The following CBFB variants were observed in gnomAD, a reference collection of about 807,000 sequenced individuals.
CBFB encodes the protein CBF-beta.
In CBFB, 9 loss-of-function variants were observed where a neutral mutation model predicts 30.4. That is an observed-to-expected ratio of 0.30 (90% confidence interval 0.18 to 0.52). The LOEUF (loss-of-function observed/expected upper bound fraction) is 0.52, where lower values mean the gene tolerates loss of function less well. CBFB is among the 20% of genes least tolerant of loss of function. The pLI is 0.97. For missense variants in CBFB, 170 were observed against 244.0 expected (o/e 0.70, Z 2.02); for synonymous variants, 94 against 84.0 (o/e 1.12, Z -0.65).
rs17768165 is a variant in CBFB, at chr16:67,055,703, T to C, written c.283-10979T>C. On this transcript the variant is annotated intron_variant, in intron 3 of 5. Transcript: ENST00000412916. ...TCATTTTATGATTTCTCTTTTGGAC[T>C]GTAAGATGATCGGTAAATTACATTA... is the stretch of plus-strand genomic sequence containing the variant. Among the ~76,000 whole-genome samples the C allele has an allele frequency of 7.5e-3, 1,140 of 152,282 alleles. 33 individuals carry two copies. The highest frequency in any genetic ancestry group is 0.05 in the East Asian group (257 of 5,180).
intron 2 of CBFB, 118 bp downstream of exon 2, chr16:67,029,931 C>T (rs1336446397): frequency 1.7e-6 from 1 of 573,696 alleles, no homozygotes; most frequent in Non-Finnish European, 2.8e-6. Flanking sequence ...TGGGCGCCGT[C>T]TCACTTCCTA....
Position 67,099,937 on chromosome 16 carries a change from C to G in CBFB, c.*1159C>G. ...TTCATCTGTGCAGAGGATGCATTTT[C>G]TTCCATTAATTCTGGAAAAAACGTT... On this transcript the variant is annotated 3_prime_UTR_variant, in exon 6 of 6. Transcript: ENST00000412916. 4.8e-6 allele frequency: 1 copy of G among 210,248 alleles called. No homozygotes were observed. Among genetic ancestry groups the G allele is most frequent in the Non-Finnish European group, 9.7e-6 (1 of 103,258 alleles). 13.0% of individuals were successfully genotyped at this position (210,248 alleles called of 1,614,324 possible).
chr16:67,052,187 T>C (rs572228183), intron 3 of CBFB, among the ~76,000 whole-genome samples: 13 of 152,278 alleles, frequency 8.5e-5, no homozygotes, highest in East Asian at 7.7e-4. Flanking sequence ...ACCCAAGATA[T>C]TGCTTGCTTG....
intron 2 of CBFB, 86 bp from the exon 3 acceptor site, chr16:67,036,553 A>G (rs980059348): frequency 1.3e-6 from 1 of 794,458 alleles, no homozygotes; most frequent in Non-Finnish European, 2.3e-6. Flanking sequence ...GGCTTAAGAC[A>G]TAAACTGATG....
intron 3 of CBFB, among the ~76,000 whole-genome samples, chr16:67,065,321 A>G (rs1185135578): frequency 6.6e-6 from 1 of 152,256 alleles, no homozygotes; most frequent in Non-Finnish European, 1.5e-5. Context: ...TGCATAAAGT[A>G]TAGTGAACAT....
chr16:67,052,569 C>G (rs1960585894), intron 3 of CBFB, among the ~76,000 whole-genome samples: 1 of 150,852 alleles, frequency 6.6e-6, no homozygotes, highest in Non-Finnish European at 1.5e-5. Context: ...GAGGGAGACC[C>G]TGTCTCTTAA....
chr16:67,030,789 G>A (rs1224866787), intron 2 of CBFB, among the ~76,000 whole-genome samples: 1 of 152,080 alleles, frequency 6.6e-6, no homozygotes. Flanking sequence ...TAGTAGAGAC[G>A]GGGTTTCACC....
chr16:67,032,262 C>G (rs1279551464), intron 2 of CBFB, among the ~76,000 whole-genome samples: 1 of 152,148 alleles, frequency 6.6e-6, no homozygotes, highest in Non-Finnish European at 1.5e-5. Flanking sequence ...GAGGTCGAGG[C>G]TGCAGTTAGC....
Position 67,099,910 on chromosome 16 carries a change from T to A in CBFB, c.*1132T>A, listed in dbSNP as rs1962167513. ...TGAAAGATTAGTTTTAGAGAGAAAA[T>A]GTTCATCTGTGCAGAGGATGCATTT... On this transcript the variant is annotated 3_prime_UTR_variant, in exon 6 of 6. Coordinates refer to ENST00000412916, the MANE Select transcript of CBFB (RefSeq NM_022845.3). 1 of 211,280 alleles carries A rather than the reference T, an allele frequency of 4.7e-6. No individual in the cohort carries two copies. The highest frequency in any genetic ancestry group is 9.6e-6 in the Non-Finnish European group (1 of 103,948). 13.1% of individuals were successfully genotyped at this position (211,280 alleles called of 1,614,324 possible). A position where few individuals can be genotyped will look rare whatever the true frequency, so the allele number is the denominator to read the frequency against.
chr16:67,076,179 G>A (rs2145763151), intron 4 of CBFB, among the ~76,000 whole-genome samples: 1 of 151,254 alleles, frequency 6.6e-6, no homozygotes, highest in Middle Eastern at 3.4e-3. Context: ...GCAGTGAGCT[G>A]AGATCGCGCC....
At chr16:67,038,290 A>ATATATATACACGTATATATGTG (rs1247610405) in intron 3 of CBFB, among the ~76,000 whole-genome samples, 5 of 151,570 alleles carry the variant, frequency 3.3e-5, no homozygotes, top group East Asian at 3.9e-4. Flanking sequence ...GTGTGTATAT[A>ATATATATACACGTATATATGTG]TATATATACA....
intron 3 of CBFB, among the ~76,000 whole-genome samples, chr16:67,054,006 T>C (rs995413202): frequency 6.6e-5 from 10 of 152,058 alleles, no homozygotes; most frequent in Admixed American, 3.9e-4. Flanking sequence ...CATTTTGCCC[T>C]CAGGATCTTG....
Position 67,100,657 on chromosome 16 carries a change from G to C in CBFB, c.*1879G>C, listed in dbSNP as rs1962194340. On this transcript the variant is annotated 3_prime_UTR_variant, in exon 6 of 6. Coordinates refer to ENST00000412916, the MANE Select transcript of CBFB (RefSeq NM_022845.3). ...CTTAAATTTTTTTAAATAACATGAT[G>C]ATGGTACATTTTCCTCTATTGTCTA... The C allele has an allele frequency of 4.5e-6, 1 of 220,270 alleles. No individual in the cohort carries two copies. Among genetic ancestry groups the C allele is most frequent in the South Asian group, 1.9e-4 (1 of 5,374 alleles). 13.6% of individuals were successfully genotyped at this position (220,270 alleles called of 1,614,324 possible). A position where few individuals can be genotyped will look rare whatever the true frequency, so the allele number is the denominator to read the frequency against.
At chr16:67,048,881 C>T (rs940911804) in intron 3 of CBFB, among the ~76,000 whole-genome samples, 4 of 135,368 alleles carry the variant, frequency 3.0e-5, no homozygotes, top group East Asian at 2.2e-4. Context: ...AGTGCAATGG[C>T]GCCATCTCAG....
At chr16:67,033,389 G>GA (rs1290960449) in intron 2 of CBFB, among the ~76,000 whole-genome samples, 2 of 152,108 alleles carry the variant, frequency 1.3e-5, no homozygotes, top group Non-Finnish European at 2.9e-5. Context: ...ACTCTGGCTG[G>GA]AGTGCAGTGG....
At chr16:67,063,441 ATTTATTT>A (rs1422973215) in intron 3 of CBFB, among the ~76,000 whole-genome samples, 1 of 152,010 alleles carries the variant, frequency 6.6e-6, no homozygotes, top group Admixed American at 6.6e-5. Context: ...ATAAATTTTT[ATTTATTT>A]TTTATTTTTT....
chr16:67,081,800 T>C lies in CBFB; in HGVS notation c.400-413T>C, dbSNP rs560452128. 1.0e-3 allele frequency among the ~76,000 whole-genome samples: 155 copies of C among 151,702 alleles called. 2 individuals carry two copies. The highest frequency in any genetic ancestry group is 3.4e-3 in the Middle Eastern group (1 of 292). On this transcript the variant is annotated intron_variant, in intron 4 of 5. Transcript: ENST00000412916. ...CACTGCACTTGTACTCCAGCCTGAG[T>C]AACAGAGCGGGATGCTGTTTCTTTT... is the stretch of plus-strand genomic sequence containing the variant.
intron 4 of CBFB, among the ~76,000 whole-genome samples, chr16:67,075,666 A>G: frequency 6.6e-6 from 1 of 152,216 alleles, no homozygotes; most frequent in African/African-American, 2.4e-5. Context: ...GTGCTAGGAC[A>G]TTTATAACTA....
intron 5 of CBFB, among the ~76,000 whole-genome samples, chr16:67,091,513 G>C (rs1002297082): frequency 3.3e-5 from 5 of 152,196 alleles, no homozygotes; most frequent in African/African-American, 1.2e-4. Context: ...TGCCTAAGGT[G>C]ACATAGCTGA....
Sources: gnomAD v4.1 joint callset for allele counts (sites outside exome capture counted in the v4.1 genomes callset) on GRCh38, gnomAD v4.1.1 for gene constraint, MANE v1.5 for transcripts, NCBI Gene and HGNC (gene_info 2026-07-23, HGNC 2026-07-21) for gene names.